The following MYO18B variants were observed in gnomAD, a reference collection of about 807,000 sequenced individuals.
MYO18B encodes the protein unconventional myosin-XVIIIb.
A neutral mutation model predicts 273.0 loss-of-function variants in MYO18B; 204 were observed. The ratio of observed to expected loss-of-function variants is 0.75; its 90% CI spans 0.67 to 0.84. MYO18B has a LOEUF of 0.84. Ranked by LOEUF, MYO18B falls within the 40% of genes least tolerant of loss-of-function variation. The probability of loss-of-function intolerance (pLI) is 0.00; values close to 1 mark genes in which losing one functional copy is unlikely to be tolerated. For missense variants in MYO18B, 3,212 were observed against 3,287.6 expected (o/e 0.98, Z 0.56); for synonymous variants, 1,330 against 1,305.7 (o/e 1.02, Z -0.40).
chr22:26,042,353 C>T, the MYO18B span, among the ~76,000 whole-genome samples: 1 of 152,204 alleles, frequency 6.6e-6, no homozygotes, highest in Non-Finnish European at 1.5e-5. Context: ...CTAGTAGGCC[C>T]TCAGTAATAT....
At chr22:25,874,982 C>G (rs541652538) in intron 23 of MYO18B, among the ~76,000 whole-genome samples, 2 of 152,252 alleles carry the variant, frequency 1.3e-5, no homozygotes, top group Admixed American at 1.3e-4. Flanking sequence ...GCTCAATAAA[C>G]TCTAGCTGCT....
chr22:25,879,675 C>A (rs548253333), intron 25 of MYO18B, among the ~76,000 whole-genome samples: 1 of 152,288 alleles, frequency 6.6e-6, no homozygotes, highest in South Asian at 2.1e-4. Flanking sequence ...TAGACAAAGT[C>A]ATATGCTGTG....
intron 11 of MYO18B, among the ~76,000 whole-genome samples, chr22:25,789,457 G>C (rs188605546): frequency 1.1e-3 from 162 of 151,840 alleles, no homozygotes; most frequent in African/African-American, 3.6e-3. Flanking sequence ...CCAACATGGT[G>C]AAACCCCATC....
chr22:26,023,320 TG>T (rs1324912912), intron 42 of MYO18B, among the ~76,000 whole-genome samples: 3 of 152,244 alleles, frequency 2.0e-5, no homozygotes, highest in South Asian at 4.1e-4. Context: ...CAGCATTTGC[TG>T]AGCATCTACT....
At chr22:25,963,122 T>C (rs559948284) in intron 39 of MYO18B, among the ~76,000 whole-genome samples, 12 of 151,214 alleles carry the variant, frequency 7.9e-5, no homozygotes, top group African/African-American at 2.9e-4. Flanking sequence ...TCTCTCTCTC[T>C]CCTCTTTCTC....
At chr22:25,982,611 C>T (rs2093160920) in intron 39 of MYO18B, among the ~76,000 whole-genome samples, 1 of 152,182 alleles carries the variant, frequency 6.6e-6, no homozygotes, top group Admixed American at 6.5e-5. Flanking sequence ...TGTCTGCCAG[C>T]ATTTCTTGGC....
chr22:25,859,755 CATA>C (rs990852449), intron 21 of MYO18B, among the ~76,000 whole-genome samples: 1 of 152,080 alleles, frequency 6.6e-6, no homozygotes, highest in Admixed American at 6.6e-5. Context: ...TTGTTCTAGA[CATA>C]ATTATTTATC....
intron 21 of MYO18B, among the ~76,000 whole-genome samples, chr22:25,853,597 T>C: frequency 6.6e-6 from 1 of 152,204 alleles, no homozygotes; most frequent in Non-Finnish European, 1.5e-5. Context: ...AGGGGCTGAA[T>C]GGAGCCACTG....
chr22:25,832,807 T>C, intron 15 of MYO18B, 110 bp from the exon 16 acceptor site: 1 of 905,180 alleles, frequency 1.1e-6, no homozygotes, highest in Admixed American at 2.7e-5. Context: ...ACGATTTTTT[T>C]AAAGGGCCAA....
intron 29 of MYO18B, among the ~76,000 whole-genome samples, chr22:25,901,753 T>G (rs533231518): frequency 6.6e-6 from 1 of 151,988 alleles, no homozygotes; most frequent in East Asian, 1.9e-4. Context: ...CCTGGTAGAT[T>G]TAAGGGGCCT....
intron 11 of MYO18B, among the ~76,000 whole-genome samples, chr22:25,795,732 G>T (rs1013098426): frequency 2.0e-5 from 3 of 152,204 alleles, no homozygotes; most frequent in African/African-American, 7.2e-5. Flanking sequence ...AATGGAACAT[G>T]CTTTTGCTAT....
the MYO18B span, among the ~76,000 whole-genome samples, chr22:26,051,002 G>T: frequency 1.3e-5 from 2 of 152,144 alleles, no homozygotes; most frequent in African/African-American, 4.8e-5. Flanking sequence ...ATGGTTCTGA[G>T]AGAGAGGGAG....
At chr22:25,820,123 A>G in intron 12 of MYO18B, among the ~76,000 whole-genome samples, 1 of 147,626 alleles carries the variant, frequency 6.8e-6, no homozygotes, top group East Asian at 2.0e-4. Context: ...CATCTCCATC[A>G]TTTTTTAAAG....
chr22:25,843,612 C>T (rs549301769), intron 17 of MYO18B, 123 bp from the exon 18 acceptor site: 65 of 969,836 alleles, frequency 6.7e-5, no homozygotes, highest in Non-Finnish European at 9.0e-5. Flanking sequence ...TGGGTGCCTT[C>T]GACCATGAGC....
At chr22:26,036,888 G>C in the MYO18B span, among the ~76,000 whole-genome samples, 1 of 152,232 alleles carries the variant, frequency 6.6e-6, no homozygotes, top group East Asian at 1.9e-4. Context: ...TTCAGCGAGT[G>C]AGGAGAGAGA....
chr22:25,991,112 A>G (rs764910800), intron 39 of MYO18B, among the ~76,000 whole-genome samples: 3 of 152,238 alleles, frequency 2.0e-5, no homozygotes, highest in Non-Finnish European at 2.9e-5. Context: ...GCCTAAGAGC[A>G]TCAAAGTGAC....
In MYO18B at chr22:25,768,922, G is replaced by C. The variant is rs756813274; in HGVS notation, c.1006G>C (p.Asp336His). Reference sequence around the variant, plus strand: ...GTGGGACGGTCCCCAGAATAAGAAGGACAAAGAAGGGGTGCTCTTAAGTAA... The same window carrying C: ...GTGGGACGGTCCCCAGAATAAGAAGCACAAAGAAGGGGTGCTCTTAAGTAA... ...SKWDGPQNKK[D>H]KEGVLLSKAE... is the part of the protein sequence containing the mutation. Residue 336 changes from aspartate (D) to histidine (H), a missense_variant, in exon 4 of 44, where the codon GAC (aspartate) becomes CAC (histidine). By Grantham distance (81) the Asp-to-His change is moderately conservative. Transcript: ENST00000335473. 9 of 1,612,532 alleles carry C rather than the reference G, an allele frequency of 5.6e-6. No homozygotes were observed. Among genetic ancestry groups the C allele is most frequent in the Non-Finnish European group, 7.6e-6 (9 of 1,179,298 alleles).
rs1368452879 is a variant in MYO18B, at chr22:25,776,631, A to AC, written c.1870-951dup. Among the ~76,000 whole-genome samples, 1,210 of 152,270 alleles carry AC rather than the reference A, an allele frequency of 7.9e-3. 18 individuals carry two copies. The highest frequency in any genetic ancestry group is 0.028 in the African/African-American group (1,157 of 41,554). On this transcript the variant is annotated intron_variant, in intron 7 of 43. Transcript: ENST00000335473. Reference sequence around the variant, plus strand: ...AAACAAAAACAAAAACAAAAAAACAACAGGTTGGGTGATTATCCTAGTTCA... The same window carrying AC: ...AAACAAAAACAAAAACAAAAAAACAACCAGGTTGGGTGATTATCCTAGTTCA...
intron 40 of MYO18B, among the ~76,000 whole-genome samples, chr22:25,994,658 T>C (rs1280864250): frequency 6.6e-6 from 1 of 152,240 alleles, no homozygotes; most frequent in African/African-American, 2.4e-5. Flanking sequence ...TTGCAGCTGC[T>C]TTCCAGCTCA....
Sources: allele counts gnomAD v4.1 joint callset (sites outside exome capture counted in the v4.1 genomes callset), GRCh38; gene constraint gnomAD v4.1.1; transcripts MANE v1.5; gene names NCBI Gene and HGNC (gene_info 2026-07-23, HGNC 2026-07-21).